ZFYVE16: variants seen among roughly 807,000 people sequenced by gnomAD.
ZFYVE16 encodes the protein zinc finger FYVE domain-containing protein 16.
A neutral mutation model predicts 138.1 loss-of-function variants in ZFYVE16; 89 were observed. The ratio of observed to expected loss-of-function variants is 0.64; its 90% CI spans 0.54 to 0.77. The LOEUF is 0.77. Ranked by LOEUF, ZFYVE16 falls within the 30% of genes least tolerant of loss-of-function variation. The pLI, the probability that ZFYVE16 is intolerant of heterozygous loss-of-function variation, is 0.00. For synonymous variants in ZFYVE16, 596 were observed against 618.3 expected, an observed-to-expected ratio of 0.96 and a Z score of 0.53; for missense variants, 1,793 against 1,786.7, an observed-to-expected ratio of 1.00 and a Z score of -0.06.
At chr5:80,457,657 G>T (rs1436257714) in intron 14 of ZFYVE16, among the ~76,000 whole-genome samples, 1 of 152,106 alleles carries the variant, frequency 6.6e-6, no homozygotes, top group Non-Finnish European at 1.5e-5. Flanking sequence ...CATTCTGGCT[G>T]CCAATAAAAT....
At chr5:80,413,987 G>T (rs1382874226) in intron 1 of ZFYVE16, among the ~76,000 whole-genome samples, 2 of 151,990 alleles carry the variant, frequency 1.3e-5, no homozygotes, top group Non-Finnish European at 2.9e-5. Flanking sequence ...TTAGTTACAT[G>T]TTAACTTTTA....
At chr5:80,424,338 A>G (rs953450973) in intron 1 of ZFYVE16, among the ~76,000 whole-genome samples, 1 of 151,630 alleles carries the variant, frequency 6.6e-6, no homozygotes, top group Non-Finnish European at 1.5e-5. Flanking sequence ...TTTGTTCTCT[A>G]TATGTAGTTC....
At chr5:80,449,349 G>A (rs941481355) in intron 8 of ZFYVE16, among the ~76,000 whole-genome samples, 1 of 152,010 alleles carries the variant, frequency 6.6e-6, no homozygotes, top group South Asian at 2.1e-4. Context: ...TACATTTGCT[G>A]TTTAATCAAC....
chr5:80,469,933 A>G (rs1754137698), intron 15 of ZFYVE16, among the ~76,000 whole-genome samples: 1 of 150,742 alleles, frequency 6.6e-6, no homozygotes, highest in East Asian at 1.9e-4. Context: ...TATTTCTCTC[A>G]AGATTTATTA....
At chr5:80,436,217 G>A (rs973033269) in intron 3 of ZFYVE16, among the ~76,000 whole-genome samples, 3 of 152,096 alleles carry the variant, frequency 2.0e-5, no homozygotes, top group Non-Finnish European at 2.9e-5. Context: ...GCCCATCACC[G>A]TGGCCATAGC....
At chr5:80,444,989 T>C (rs991801964) in intron 6 of ZFYVE16, among the ~76,000 whole-genome samples, 5 of 152,144 alleles carry the variant, frequency 3.3e-5, no homozygotes, top group African/African-American at 1.2e-4. Context: ...TGGTCTAATA[T>C]GCTATGAATT....
rs1364092795 is a variant in ZFYVE16 at position 80,478,189 on chromosome 5, A to T, written c.*812A>T. 1 of 151,990 alleles carries T rather than the reference A, an allele frequency of 6.6e-6. No individual in the cohort carries two copies. Among genetic ancestry groups the T allele is most frequent in the Non-Finnish European group, 1.5e-5 (1 of 67,924 alleles). 9.4% of individuals were successfully genotyped at this position (151,990 alleles called of 1,614,324 possible). ...TATTTTTTTCCTCCTTTCCTTCCAA[A>T]CTATACCACTGTATTTACCACTTCT... On this transcript the variant is annotated 3_prime_UTR_variant, in exon 19 of 19. Transcript: ENST00000505560.
intron 6 of ZFYVE16, among the ~76,000 whole-genome samples, chr5:80,443,634 C>T (rs1017856598): frequency 1.3e-5 from 2 of 152,160 alleles, no homozygotes; most frequent in Non-Finnish European, 2.9e-5. Context: ...ATAGTTGGTA[C>T]TCAGATGACT....
intron 1 of ZFYVE16, among the ~76,000 whole-genome samples, chr5:80,426,589 G>A (rs1263870667): frequency 6.6e-6 from 1 of 152,016 alleles, no homozygotes; most frequent in African/African-American, 2.4e-5. Flanking sequence ...TGAGAATAAT[G>A]GCTTTTAGCC....
chr5:80,480,325 A>T lies in ZFYVE16; in HGVS notation c.*2948A>T, dbSNP rs867027163. On this transcript the variant is annotated 3_prime_UTR_variant, in exon 19 of 19. Coordinates refer to ENST00000505560, the MANE Select transcript of ZFYVE16 (RefSeq NM_001284236.3). ...AGAATATACATAAAAACTGCACTTTAAAACTCAGTAAATAGATGTAATAGA... is the reference window on the plus strand; with the variant it reads ...AGAATATACATAAAAACTGCACTTTTAAACTCAGTAAATAGATGTAATAGA... Among the ~76,000 whole-genome samples, 2 of 152,352 alleles carry T rather than the reference A, an allele frequency of 1.3e-5. No homozygotes were observed. The highest frequency in any genetic ancestry group is 4.1e-4 in the South Asian group (2 of 4,828).
At chr5:80,456,891 A>C (rs566176191) in intron 13 of ZFYVE16, 54 bp from the exon 14 acceptor site, 1 of 1,544,834 alleles carries the variant, frequency 6.5e-7, no homozygotes, top group Admixed American at 2.1e-5. Context: ...TAGAATAGGC[A>C]TATAATATTA....
intron 7 of ZFYVE16, among the ~76,000 whole-genome samples, chr5:80,447,157 G>A (rs969518755): frequency 2.0e-5 from 3 of 151,258 alleles, no homozygotes; most frequent in African/African-American, 7.3e-5. Flanking sequence ...TCAGCTACTA[G>A]GGGAGACGGA....
Position 80,434,278 on chromosome 5 carries a change from C to T in ZFYVE16, c.70+61C>T, listed in dbSNP as rs1749551460. ...TTAAAAATATCTGTAATTAAGTTATCTCAGGTATACAGTAATATTAGCAAA... is the reference window on the plus strand; with the variant it reads ...TTAAAAATATCTGTAATTAAGTTATTTCAGGTATACAGTAATATTAGCAAA... On this transcript the variant is annotated intron_variant, in intron 3 of 18. Coordinates refer to ENST00000505560, the MANE Select transcript of ZFYVE16 (RefSeq NM_001284236.3). 2.6e-6 allele frequency: 4 copies of T among 1,554,270 alleles called. No individual in the cohort carries two copies. In the South Asian group the frequency reaches 4.5e-5, roughly 18 times the overall value.
chr5:80,413,425 C>T (rs1425614858), intron 1 of ZFYVE16, among the ~76,000 whole-genome samples: 10 of 146,186 alleles, frequency 6.8e-5, no homozygotes, highest in African/African-American at 1.3e-4. Flanking sequence ...GAGCTGAGAT[C>T]GCGATATTGC....
rs62365314 is a variant in ZFYVE16, at chr5:80,470,097, G to T, written c.4025-2664G>T. ...TGTGTGTGTGTGTGTGTGTGTGTGT[G>T]TGTATTTTTTTTTTTTTTTTTTGAG... On this transcript the variant is annotated intron_variant, in intron 15 of 18. Coordinates refer to ENST00000505560, the MANE Select transcript of ZFYVE16 (RefSeq NM_001284236.3). 8.1e-5 allele frequency among the ~76,000 whole-genome samples: 10 copies of T among 123,738 alleles called. 1 individual carries two copies. Among genetic ancestry groups the T allele is most frequent in the East Asian group, 6.8e-4 (3 of 4,430 alleles). The allele number at this position is 123,738 out of a possible 152,430, so 81.2% of individuals were successfully genotyped here.
At chr5:80,411,895 T>C (rs1233812833) in intron 1 of ZFYVE16, 1 of 152,254 alleles carries the variant, frequency 6.6e-6, no homozygotes, top group Non-Finnish European at 1.5e-5. Context: ...AACCTGGCAC[T>C]AATCCAGCTT....
chr5:80,474,937 C>T (rs1754748244), intron 18 of ZFYVE16, 107 bp downstream of exon 18: 2 of 1,211,584 alleles, frequency 1.7e-6, no homozygotes, highest in Non-Finnish European at 2.3e-6. Flanking sequence ...ATTTGTTGAG[C>T]ATCAAATGTG....
Position 80,437,782 on chromosome 5 carries a change from T to G in ZFYVE16, c.1097T>G (p.Val366Gly). ...VIQDSSSALH[V>G]SSKDVPSSLS... ...CAAGATTCCTCTTCAGCTTTACATGTTTCCAGTAAAGATGTGCCGTCCTCA... is the reference window on the plus strand; with the variant it reads ...CAAGATTCCTCTTCAGCTTTACATGGTTCCAGTAAAGATGTGCCGTCCTCA... Residue 366 changes from valine (V) to glycine (G), a missense_variant, in exon 4 of 19, where the codon GTT becomes GGT. This residue lies in a region of ZFYVE16 where 1,295 missense variants were observed against 1,204.3 expected (regional missense o/e 1.08). Transcript: ENST00000505560. 6.2e-7 allele frequency: 1 copy of G among 1,614,100 alleles called. No homozygotes were observed. Among genetic ancestry groups the G allele is most frequent in the South Asian group, 1.1e-5 (1 of 91,078 alleles).
intron 2 of ZFYVE16, among the ~76,000 whole-genome samples, chr5:80,430,085 G>A (rs181060443): frequency 0.024 from 3,606 of 152,166 alleles, 62 homozygotes; most frequent in Middle Eastern, 0.082. Context: ...TGCACCAAGC[G>A]GACGTAATAG....
Sources: gnomAD v4.1 joint callset for allele counts (sites outside exome capture counted in the v4.1 genomes callset) on GRCh38, gnomAD v4.1.1 for gene constraint, gnomAD v4.1.1 regional missense constraint, MANE v1.5 for transcripts, NCBI Gene and HGNC (gene_info 2026-07-23, HGNC 2026-07-21) for gene names.